Variants in KRTAP13-4 observed in about 807,000 individuals in gnomAD.
KRTAP13-4 encodes the protein keratin associated protein 13-4.
For missense variants in KRTAP13-4, 198 were observed against 189.6 expected (o/e 1.04, Z -0.26); for synonymous variants, 80 against 77.2 (o/e 1.04, Z -0.19).
At chr21:30,430,770 C>T in exon 1 of KRTAP13-4, 2 of 1,592,770 alleles carry the variant, frequency 1.3e-6, no homozygotes, top group Non-Finnish European at 1.7e-6. Context: ...TTTCTAGATC[C>T]TTTTGAGTAT....
exon 1 of KRTAP13-4, chr21:30,430,352 C>T (rs752058860): frequency 1.2e-6 from 2 of 1,613,818 alleles, no homozygotes; most frequent in Admixed American, 1.7e-5. Context: ...GGCTCCTACC[C>T]CAGCAGCCTG....
At chr21:30,430,478 C>A (rs753910170) in exon 1 of KRTAP13-4, 1 of 1,614,090 alleles carries the variant, frequency 6.2e-7, no homozygotes, top group South Asian at 1.1e-5. Flanking sequence ...TGCTACCGCC[C>A]CAGGACCTCC....
chr21:30,430,947 A>G, exon 1 of KRTAP13-4: 2 of 568,754 alleles, frequency 3.5e-6, no homozygotes, highest in Middle Eastern at 9.9e-4. Context: ...TTGATCGAAT[A>G]TATGCTATCT....
exon 1 of KRTAP13-4, chr21:30,430,664 G>C: frequency 6.2e-7 from 1 of 1,614,222 alleles, no homozygotes; most frequent in African/African-American, 1.3e-5. Flanking sequence ...TACGGATCCA[G>C]ATTCTGCTAC....
chr21:30,430,296 T>C, exon 1 of KRTAP13-4: 1 of 1,611,350 alleles, frequency 6.2e-7, no homozygotes, highest in South Asian at 1.1e-5. Flanking sequence ...ACTGCTGCTC[T>C]AGAAACTTCT....
exon 1 of KRTAP13-4, chr21:30,430,782 G>A (rs1248841046): frequency 4.4e-6 from 7 of 1,578,600 alleles, no homozygotes; most frequent in Admixed American, 1.8e-5. Context: ...TTTGAGTATT[G>A]GGATCAAAGT....
At chr21:30,430,541 C>G in exon 1 of KRTAP13-4, 1 of 1,614,208 alleles carries the variant, frequency 6.2e-7, no homozygotes, top group Non-Finnish European at 8.5e-7. Flanking sequence ...GGCTTTCGGT[C>G]CAGCAGCTGT....
At chr21:30,430,242 G>A (rs1260496194) in exon 1 of KRTAP13-4, 2 of 1,547,862 alleles carry the variant, frequency 1.3e-6, no homozygotes, top group Middle Eastern at 1.7e-4. Flanking sequence ...AATCTTCTTA[G>A]GTACACTCAG....
Position 30,430,441 on chromosome 21 carries a change from T to C in KRTAP13-4, c.166T>C (p.Trp56Arg), listed in dbSNP as rs149298552. The C allele has an allele frequency of 3.4e-3, 5,420 of 1,613,996 alleles. 27 individuals carry two copies. The highest frequency in any genetic ancestry group is 9.1e-3 in the Middle Eastern group (55 of 6,060). Residue 56 changes from tryptophan to arginine, a missense_variant, in exon 1 of 1, where the codon TGG (tryptophan) becomes CGG (arginine). By Grantham distance (101) the Trp-to-Arg change is moderately radical. Coordinates refer to ENST00000334068, the Ensembl canonical transcript of KRTAP13-4. ...CTACAGGGACTGTCAGAAGACCTGC[T>C]GGGAGCCCGCCAGCTGCCAGAAATC...
At chr21:30,430,497 C>T (rs148405082) in exon 1 of KRTAP13-4, 842 of 1,614,112 alleles carry the variant, frequency 5.2e-4, no homozygotes, top group Non-Finnish European at 6.3e-4. Flanking sequence ...CCATCCTCTG[C>T]TGTCCCTGTC....
exon 1 of KRTAP13-4, chr21:30,430,382 G>A (rs772043934): frequency 6.2e-7 from 1 of 1,614,148 alleles, no homozygotes; most frequent in Non-Finnish European, 8.5e-7. Flanking sequence ...ACTGCCCTCT[G>A]CTCTCCCAGC....
exon 1 of KRTAP13-4, chr21:30,430,603 A>G (rs1184840426): frequency 6.2e-7 from 1 of 1,614,208 alleles, no homozygotes; most frequent in East Asian, 2.2e-5. Flanking sequence ...AAATGGATCC[A>G]GTGGCTTCAG....
At chr21:30,430,280 C>T (rs768801031) in exon 1 of KRTAP13-4, 2 of 1,606,040 alleles carry the variant, frequency 1.2e-6, no homozygotes, top group East Asian at 4.5e-5. Flanking sequence ...ATCAGCATGT[C>T]CTACAACTGC....
chr21:30,430,338 C>T (rs750752566), exon 1 of KRTAP13-4: 1 of 1,613,868 alleles, frequency 6.2e-7, no homozygotes, highest in Non-Finnish European at 8.5e-7. Flanking sequence ...ACCTGTACTA[C>T]CCAGGCTCCT....
At chr21:30,430,858 C>T in exon 1 of KRTAP13-4, 3 of 1,422,470 alleles carry the variant, frequency 2.1e-6, no homozygotes. Context: ...TCTTCCACCA[C>T]CAGCTTCTTG....
chr21:30,430,302 C>T (rs1049674293), exon 1 of KRTAP13-4: 4 of 1,611,786 alleles, frequency 2.5e-6, no homozygotes, highest in Middle Eastern at 1.6e-4. Flanking sequence ...GCTCTAGAAA[C>T]TTCTCCTCCC....
exon 1 of KRTAP13-4, chr21:30,430,586 C>G: frequency 6.2e-7 from 1 of 1,614,170 alleles, no homozygotes; most frequent in Non-Finnish European, 8.5e-7. Context: ...TGCTGCTACT[C>G]GCTGGGAAAT....
chr21:30,430,919 C>T lies in KRTAP13-4; in HGVS notation c.*161C>T, dbSNP rs902939986. 6 of 711,038 alleles carry T rather than the reference C, an allele frequency of 8.4e-6. No homozygotes were observed. In the African/African-American group the frequency reaches 1.1e-4, roughly 13 times the overall value. The allele number at this position is 711,038 out of a possible 1,614,324, so 44.0% of individuals were successfully genotyped here. ...AAATTAATGAGTAACCTAATATTAA[C>T]TTCTAATATCTTTACCATTGATCGA... On this transcript the variant is annotated 3_prime_UTR_variant, in exon 1 of 1. Transcript: ENST00000334068.
exon 1 of KRTAP13-4, chr21:30,430,249 T>G: frequency 6.4e-7 from 1 of 1,559,312 alleles, no homozygotes; most frequent in Non-Finnish European, 8.7e-7. Flanking sequence ...TTAGGTACAC[T>G]CAGCTGAACT....
Sources: gnomAD v4.1 joint callset for allele counts on GRCh38, gnomAD v4.1.1 for gene constraint, MANE v1.5 for transcripts, NCBI Gene and HGNC (gene_info 2026-07-23, HGNC 2026-07-21) for gene names.